The following TEX9 variants were observed in gnomAD, a reference collection of about 807,000 sequenced individuals.
The protein encoded by TEX9 is testis expressed 9, also known as testis-expressed protein 9.
Under a neutral mutation model 59.6 loss-of-function variants are expected in TEX9, and 74 were observed. That is an observed-to-expected ratio of 1.24 (90% CI 1.03 to 1.51). TEX9 has a LOEUF of 1.51. Among genes scored for constraint, TEX9 ranks in the 40% most tolerant of loss-of-function variants. The pLI is 0.00. For synonymous variants in TEX9, 186 were observed against 152.2 expected (o/e 1.22, Z -1.64); for missense variants, 522 against 447.8 (o/e 1.17, Z -1.49).
intron 12 of TEX9, among the ~76,000 whole-genome samples, chr15:56,437,776 T>C (rs2140341022): frequency 6.6e-6 from 1 of 152,276 alleles, no homozygotes; most frequent in Non-Finnish European, 1.5e-5. Flanking sequence ...AGTCTCAGGA[T>C]ACAAAATCAA....
Position 56,324,477 on chromosome 15 carries a change from T to C in TEX9, c.-106-48964T>C, listed in dbSNP as rs550294178. On this transcript the variant is annotated intron_variant, in intron 1 of 5. Coordinates refer to the TEX9 transcript ENST00000560827. ...AAAGGCTCACATTCCACAGGGAATA[T>C]TCCTAATATCTTTAATTAACTGAGA... Among the ~76,000 whole-genome samples, 4 of 152,352 alleles carry C rather than the reference T, an allele frequency of 2.6e-5. No homozygotes were observed. In the East Asian group the frequency reaches 7.7e-4, roughly 29 times the overall value.
At chr15:56,435,132 T>C (rs1353972730) in intron 12 of TEX9, among the ~76,000 whole-genome samples, 4 of 152,072 alleles carry the variant, frequency 2.6e-5, no homozygotes, top group African/African-American at 9.7e-5. Flanking sequence ...ATTTGTGAGA[T>C]GCTGCTAAAG....
rs2050878954 is a variant in TEX9, at chr15:56,444,750, T to C, written c.*30-921T>C. On this transcript the variant is annotated intron_variant, in intron 12 of 12. Coordinates refer to ENST00000352903, the Ensembl canonical transcript of TEX9. ...GATAGTATATTTTACACCAATGTTA[T>C]TGAATATTATAAAGTCTTTTACATA... The C allele has an allele frequency of 6.7e-6, 8 of 1,192,322 alleles. 1 individual carries two copies. Among genetic ancestry groups the C allele is most frequent in the South Asian group, 5.6e-5 (4 of 71,118 alleles). The allele number at this position is 1,192,322 out of a possible 1,614,324, so 73.9% of individuals were successfully genotyped here. A position where few individuals can be genotyped will look rare whatever the true frequency, so the allele number is the denominator to read the frequency against.
intron 7 of TEX9, among the ~76,000 whole-genome samples, chr15:56,392,702 T>G (rs2048275745): frequency 6.6e-6 from 1 of 152,198 alleles, no homozygotes. Context: ...CTATATTTAC[T>G]GATCTAATCA....
intron 6 of TEX9, among the ~76,000 whole-genome samples, chr15:56,390,354 ATTGT>A (rs752745929): frequency 5.9e-5 from 9 of 152,006 alleles, no homozygotes; most frequent in East Asian, 1.9e-4. Context: ...GTGTAATTAG[ATTGT>A]TTGTAACTCA....
At chr15:56,367,855 G>A (rs2047015845) in intron 2 of TEX9, among the ~76,000 whole-genome samples, 1 of 152,108 alleles carries the variant, frequency 6.6e-6, no homozygotes, top group Admixed American at 6.5e-5. Context: ...TTTAGATGTT[G>A]ATGCTACATC....
At chr15:56,296,911 T>A (rs542606854) in intron 1 of TEX9, among the ~76,000 whole-genome samples, 2 of 152,256 alleles carry the variant, frequency 1.3e-5, no homozygotes, top group South Asian at 4.1e-4. Context: ...TTTGGTAGAT[T>A]AGAATATTGA....
intron 12 of TEX9, among the ~76,000 whole-genome samples, chr15:56,444,055 C>T (rs1435638723): frequency 6.6e-6 from 1 of 151,972 alleles, no homozygotes; most frequent in Admixed American, 6.6e-5. Flanking sequence ...ATAGTCTCCT[C>T]TAACCTATTA....
At chr15:56,357,420 T>C (rs1179889278) in intron 1 of TEX9, among the ~76,000 whole-genome samples, 4 of 152,188 alleles carry the variant, frequency 2.6e-5, no homozygotes, top group African/African-American at 9.6e-5. Context: ...GGAATATATT[T>C]AAAAATTTAT....
chr15:56,457,167 T>C, the TEX9 span, among the ~76,000 whole-genome samples: 38 of 152,330 alleles, frequency 2.5e-4, no homozygotes, highest in African/African-American at 8.7e-4. Context: ...TGACTTGTTA[T>C]AGAAATTAGG....
chr15:56,385,832 A>G (rs2047935592), intron 4 of TEX9, among the ~76,000 whole-genome samples: 1 of 152,144 alleles, frequency 6.6e-6, no homozygotes, highest in Non-Finnish European at 1.5e-5. Context: ...GTTTAGAGAC[A>G]AAAGAGAAGC....
At chr15:56,264,447 A>G (rs2044335094) in intron 1 of TEX9, among the ~76,000 whole-genome samples, 1 of 152,116 alleles carries the variant, frequency 6.6e-6, no homozygotes, top group South Asian at 2.1e-4. Context: ...CTTCATATTG[A>G]GTTTTTAGAA....
At chr15:56,356,264 GT>G (rs1227234581) in intron 1 of TEX9, among the ~76,000 whole-genome samples, 1 of 151,990 alleles carries the variant, frequency 6.6e-6, no homozygotes, top group South Asian at 2.1e-4. Flanking sequence ...TAGATGTAGG[GT>G]TTTTTTGAGA....
upstream of TEX9, among the ~76,000 whole-genome samples, chr15:56,365,076 A>G (rs2046872309): frequency 6.6e-6 from 1 of 152,216 alleles, no homozygotes; most frequent in Admixed American, 6.5e-5. Flanking sequence ...GCTCACTTTA[A>G]GCAAACGGGG....
chr15:56,460,009 A>AAAAAAAAAAAAATATATATATAT, the TEX9 span, among the ~76,000 whole-genome samples: 16 of 26,384 alleles, frequency 6.1e-4, 3 homozygotes, highest in Non-Finnish European at 8.4e-4. Flanking sequence ...AAAAAAAAAA[A>AAAAAAAAAAAAATATATATATAT]ATACATATAT....
At chr15:56,434,196 T>C in intron 12 of TEX9, 1 of 1,613,964 alleles carries the variant, frequency 6.2e-7, no homozygotes, top group Middle Eastern at 1.7e-4. Flanking sequence ...AGCCCTCCTG[T>C]GTTCCAGCTG....
intron 9 of TEX9, among the ~76,000 whole-genome samples, chr15:56,400,514 G>A (rs1437103397): frequency 6.6e-6 from 1 of 152,212 alleles, no homozygotes; most frequent in South Asian, 2.1e-4. Flanking sequence ...TTTGATTGGT[G>A]TACCTGAAAG....
intron 1 of TEX9, among the ~76,000 whole-genome samples, chr15:56,268,235 G>A (rs750093697): frequency 2.0e-4 from 31 of 152,278 alleles, no homozygotes; most frequent in South Asian, 6.2e-4. Context: ...CTGAGATGAT[G>A]GGATTTTCTA....
exon 13 of TEX9, chr15:56,445,739 A>G (rs1397704866): frequency 1.3e-5 from 2 of 152,106 alleles, no homozygotes; most frequent in African/African-American, 4.8e-5. Context: ...AAGTCCTAGT[A>G]GTATTCGACT....
Sources: allele counts gnomAD v4.1 joint callset (sites outside exome capture counted in the v4.1 genomes callset), GRCh38; gene constraint gnomAD v4.1.1; transcripts MANE v1.5; gene names NCBI Gene and HGNC (gene_info 2026-07-23, HGNC 2026-07-21).